Variants in SKAP1 observed in about 807,000 individuals in gnomAD.
The protein encoded by SKAP1 is src kinase-associated phosphoprotein 1.
Under a neutral mutation model 58.5 loss-of-function variants are expected in SKAP1, and 44 were observed. The observed-to-expected ratio is 0.75, with a 90% CI of 0.59 to 0.97. The LOEUF is 0.97. Among genes scored for constraint, SKAP1 ranks in the 50% least tolerant of loss-of-function variants. The pLI is 0.00. For missense variants in SKAP1, 390 were observed against 435.2 expected (o/e 0.90, Z 0.92); for synonymous variants, 127 against 149.7 (o/e 0.85, Z 1.11).
chr17:48,248,546 G>C (rs1314330478), intron 4 of SKAP1, among the ~76,000 whole-genome samples: 1 of 152,184 alleles, frequency 6.6e-6, no homozygotes, highest in Non-Finnish European at 1.5e-5. Flanking sequence ...CAGCCTGGAA[G>C]ACAGGGCAAG....
In SKAP1 at chr17:48,273,982, C is replaced by T. The variant is rs112145245; in HGVS notation, c.280+71923G>A. 4.1e-3 allele frequency among the ~76,000 whole-genome samples: 619 copies of T among 152,250 alleles called. 8 individuals are homozygous for T. The highest frequency in any genetic ancestry group is 0.014 in the African/African-American group (592 of 41,528). On this transcript the variant is annotated intron_variant, in intron 4 of 12. Coordinates refer to ENST00000336915, the MANE Select transcript of SKAP1 (RefSeq NM_003726.4). ...TCACCCAGGCTGGAGTGCAGTGGTA[C>T]AATCATAGCTTATTCAGTGCAGCCT...
chr17:48,261,373 C>A (rs2065482586), intron 4 of SKAP1, among the ~76,000 whole-genome samples: 1 of 152,116 alleles, frequency 6.6e-6, no homozygotes, highest in African/African-American at 2.4e-5. Flanking sequence ...CAACCTTTAC[C>A]CTCTCCTTAT....
chr17:48,142,960 C>A (rs1205046094), intron 11 of SKAP1, among the ~76,000 whole-genome samples: 1 of 151,326 alleles, frequency 6.6e-6, no homozygotes, highest in Non-Finnish European at 1.5e-5. Flanking sequence ...TTTCACCATG[C>A]CTGGCTAGTT....
intron 2 of SKAP1, among the ~76,000 whole-genome samples, chr17:48,389,708 A>C (rs905616951): frequency 1.5e-4 from 23 of 152,204 alleles, no homozygotes; most frequent in African/African-American, 5.1e-4. Context: ...CAGGGAGACT[A>C]GAGGAGGCTA....
At chr17:48,347,301 C>G (rs2066735058) in intron 3 of SKAP1, among the ~76,000 whole-genome samples, 1 of 152,188 alleles carries the variant, frequency 6.6e-6, no homozygotes, top group South Asian at 2.1e-4. Flanking sequence ...CAATGCTAAT[C>G]TCAGTAAATA....
At chr17:48,319,894 T>C (rs1398375610) in intron 4 of SKAP1, among the ~76,000 whole-genome samples, 1 of 151,966 alleles carries the variant, frequency 6.6e-6, no homozygotes, top group Non-Finnish European at 1.5e-5. Context: ...TCTCTTTTAA[T>C]AAAAATTTTG....
chr17:48,170,292 G>A (rs997457354), intron 10 of SKAP1, among the ~76,000 whole-genome samples: 6 of 152,184 alleles, frequency 3.9e-5, no homozygotes, highest in Non-Finnish European at 8.8e-5. Flanking sequence ...ATCTCTTAGA[G>A]ATGAGGCAAT....
chr17:48,390,789 A>G (rs1036333350), intron 2 of SKAP1, among the ~76,000 whole-genome samples: 1 of 152,134 alleles, frequency 6.6e-6, no homozygotes, highest in African/African-American at 2.4e-5. Context: ...TTAAAAATAC[A>G]TTGTCCTAGG....
At chr17:48,373,187 A>G (rs1439350618) in intron 2 of SKAP1, among the ~76,000 whole-genome samples, 1 of 152,212 alleles carries the variant, frequency 6.6e-6, no homozygotes, top group Non-Finnish European at 1.5e-5. Context: ...ACTTAAAACC[A>G]TGGTGGAAGG....
At chr17:48,193,804 A>T in intron 4 of SKAP1, 1 of 851,670 alleles carries the variant, frequency 1.2e-6, no homozygotes, top group Non-Finnish European at 1.4e-6. Context: ...GCAGAGAACT[A>T]CTTAATGCAT....
At chr17:48,376,928 G>C (rs2067157127) in intron 2 of SKAP1, among the ~76,000 whole-genome samples, 1 of 152,182 alleles carries the variant, frequency 6.6e-6, no homozygotes, top group East Asian at 1.9e-4. Context: ...GAGAAGCCTG[G>C]AAGGGGAGGG....
At chr17:48,300,989 T>G (rs1175021089) in intron 4 of SKAP1, among the ~76,000 whole-genome samples, 1 of 152,174 alleles carries the variant, frequency 6.6e-6, no homozygotes, top group African/African-American at 2.4e-5. Flanking sequence ...ACTGACCCAT[T>G]TCTACCTTTC....
At chr17:48,370,665 A>C (rs1199958135) in intron 2 of SKAP1, among the ~76,000 whole-genome samples, 2 of 152,214 alleles carry the variant, frequency 1.3e-5, no homozygotes, top group Non-Finnish European at 2.9e-5. Context: ...AGGAACACTT[A>C]TACATTGTTG....
At chr17:48,434,595 G>C (rs757609321), upstream of SKAP1, among the ~76,000 whole-genome samples, 17 of 152,066 alleles carry the variant, frequency 1.1e-4, no homozygotes, top group Non-Finnish European at 2.4e-4. Flanking sequence ...AATTCCATAA[G>C]CAGGTTCTCA....
intron 4 of SKAP1, among the ~76,000 whole-genome samples, chr17:48,232,201 C>A (rs2065133168): frequency 1.3e-5 from 2 of 152,222 alleles, no homozygotes; most frequent in African/African-American, 2.4e-5. Flanking sequence ...TTAACTGAAT[C>A]ATAATCTGTG....
chr17:48,135,337 T>G (rs2063685230), intron 12 of SKAP1, among the ~76,000 whole-genome samples: 1 of 152,146 alleles, frequency 6.6e-6, no homozygotes, highest in African/African-American at 2.4e-5. Flanking sequence ...ATGCTGGTCT[T>G]GGGGGCCCTC....
At chr17:48,315,340 T>C (rs1422570341) in intron 4 of SKAP1, among the ~76,000 whole-genome samples, 1 of 152,194 alleles carries the variant, frequency 6.6e-6, no homozygotes, top group Non-Finnish European at 1.5e-5. Flanking sequence ...TCTGAAATTA[T>C]ATGCAAATAT....
At chr17:48,330,215 G>T (rs1394447609) in intron 4 of SKAP1, among the ~76,000 whole-genome samples, 2 of 151,948 alleles carry the variant, frequency 1.3e-5, no homozygotes, top group East Asian at 1.9e-4. Context: ...TGGTATTATC[G>T]ATTCCAGTTA....
intron 11 of SKAP1, among the ~76,000 whole-genome samples, chr17:48,146,520 CAAG>C (rs755629844): frequency 1.1e-4 from 17 of 150,696 alleles, no homozygotes; most frequent in Non-Finnish European, 2.1e-4. Flanking sequence ...GAAGGGGAAT[CAAG>C]AATCCTAACT....
Sources: gnomAD v4.1 joint callset for allele counts (sites outside exome capture counted in the v4.1 genomes callset) on GRCh38, gnomAD v4.1.1 for gene constraint, MANE v1.5 for transcripts, NCBI Gene and HGNC (gene_info 2026-07-23, HGNC 2026-07-21) for gene names.